TPRG1: variants seen among roughly 807,000 people sequenced by gnomAD.
TPRG1 encodes tumor protein p63-regulated gene 1 protein.
A neutral mutation model predicts 29.3 loss-of-function variants in TPRG1; 29 were observed. The ratio of observed to expected loss-of-function variants is 0.99; its 90% CI spans 0.74 to 1.35. The LOEUF (loss-of-function observed/expected upper bound fraction) is 1.35, where lower values mean the gene tolerates loss of function less well. Among genes scored for constraint, TPRG1 ranks in the 40% most tolerant of loss-of-function variants. TPRG1 has a pLI of 0.00. For missense variants in TPRG1, 327 were observed against 335.0 expected, an observed-to-expected ratio of 0.98 and a Z score of 0.19; for synonymous variants, 130 against 116.8, an observed-to-expected ratio of 1.11 and a Z score of -0.73.
intron 4 of TPRG1, among the ~76,000 whole-genome samples, chr3:189,263,899 G>A (rs1439946011): frequency 6.6e-6 from 1 of 152,174 alleles, no homozygotes; most frequent in Non-Finnish European, 1.5e-5. Flanking sequence ...AGGCAGCAGG[G>A]TTATTGGGAG....
intron 4 of TPRG1, among the ~76,000 whole-genome samples, chr3:189,032,377 A>G (rs1046661183): frequency 2.6e-5 from 4 of 152,186 alleles, no homozygotes; most frequent in Non-Finnish European, 4.4e-5. Flanking sequence ...TGGACTTCTG[A>G]CATCCAAAAC....
intron 4 of TPRG1, among the ~76,000 whole-genome samples, chr3:189,043,010 C>T (rs1714727897): frequency 6.6e-6 from 1 of 152,178 alleles, no homozygotes; most frequent in Non-Finnish European, 1.5e-5. Flanking sequence ...CCACACTGTT[C>T]ACCCATTGTT....
In TPRG1 at chr3:189,158,817, G is replaced by A. The variant is rs74710249; in HGVS notation, c.-10+7945G>A. ...GTTTTCGTTTTGCACTCCCTCATCC[G>A]AAGTCTAAAACAAAATTGCTCTAAT... is the stretch of plus-strand genomic sequence containing the variant. On this transcript the variant is annotated intron_variant, in intron 5 of 6. Coordinates refer to the TPRG1 transcript ENST00000412373. Among the ~76,000 whole-genome samples, 198 of 151,914 alleles carry A rather than the reference G, an allele frequency of 1.3e-3. 3 individuals carry two copies. The East Asian group carries it at 0.036, about 28-fold the overall frequency.
In TPRG1 at chr3:189,204,947, T is replaced by TCTCACA. The variant is rs766857963; in HGVS notation, c.-9-2428_-9-2427insTCACAC. Among the ~76,000 whole-genome samples the TCTCACA allele has an allele frequency of 1.1e-4, 16 of 147,178 alleles. No homozygotes were observed. The East Asian group carries it at 1.8e-3, about 17-fold the overall frequency. On this transcript the variant is annotated intron_variant, in intron 1 of 5. Coordinates refer to ENST00000345063, the MANE Select transcript of TPRG1 (RefSeq NM_198485.4). ...CTGTCTCTATGTCTCTCTCTCTCTC[T>TCTCACA]CACACACACACACACACACACACAC...
chr3:189,170,250 G>A (rs1728656409), upstream of TPRG1, among the ~76,000 whole-genome samples: 1 of 152,130 alleles, frequency 6.6e-6, no homozygotes, highest in South Asian at 2.1e-4. Context: ...TAGTTTTGTG[G>A]CGTCTAAGTG....
chr3:189,237,223 G>T (rs974305986), intron 3 of TPRG1, among the ~76,000 whole-genome samples: 31 of 152,032 alleles, frequency 2.0e-4, no homozygotes, highest in African/African-American at 6.8e-4. Context: ...TTGACTGAAG[G>T]GGATGGAGTG....
At chr3:189,081,946 A>G (rs541312193) in intron 4 of TPRG1, among the ~76,000 whole-genome samples, 86 of 152,308 alleles carry the variant, frequency 5.6e-4, no homozygotes, top group Non-Finnish European at 1.1e-3. Context: ...CTGTTTTGCC[A>G]TCAAAAGAGA....
At chr3:189,206,500 C>CTTT (rs11336790) in intron 1 of TPRG1, among the ~76,000 whole-genome samples, 7 of 131,194 alleles carry the variant, frequency 5.3e-5, no homozygotes, top group African/African-American at 8.7e-5. Flanking sequence ...GATGAACAAA[C>CTTT]TTTTTTTTTT....
chr3:189,116,459 G>A (rs1721186636), intron 1 of TPRG1, among the ~76,000 whole-genome samples: 1 of 152,162 alleles, frequency 6.6e-6, no homozygotes, highest in Non-Finnish European at 1.5e-5. Context: ...TTACAGACAT[G>A]AGCCACCGCG....
intron 1 of TPRG1, among the ~76,000 whole-genome samples, chr3:189,114,035 G>A (rs1720885786): frequency 6.6e-6 from 1 of 152,076 alleles, no homozygotes; most frequent in South Asian, 2.1e-4. Context: ...GAAAAGAAAA[G>A]CCAGATATTT....
rs140804984 is a variant in TPRG1, at chr3:189,308,394, G to A, written c.480-1992G>A. ...TCATAAAGGCATCTGCAGTCTCCAC[G>A]ATTGTTCTAATGGTGTTTGACAAAA... On this transcript the variant is annotated intron_variant, in intron 4 of 5. Coordinates refer to ENST00000345063, the MANE Select transcript of TPRG1 (RefSeq NM_198485.4). 1.6e-3 allele frequency among the ~76,000 whole-genome samples: 244 copies of A among 152,260 alleles called. 1 individual carries two copies. Among genetic ancestry groups the A allele is most frequent in the African/African-American group, 5.2e-3 (215 of 41,548 alleles).
intron 5 of TPRG1, among the ~76,000 whole-genome samples, chr3:189,317,705 G>C (rs777921474): frequency 2.6e-5 from 4 of 152,096 alleles, no homozygotes; most frequent in Non-Finnish European, 5.9e-5. Context: ...TTTCCCATGG[G>C]GGACATATGA....
chr3:189,149,367 C>T (rs548078373), intron 4 of TPRG1, among the ~76,000 whole-genome samples: 15 of 152,272 alleles, frequency 9.9e-5, no homozygotes, highest in African/African-American at 2.6e-4. Context: ...ACTCAGGGCA[C>T]GAAAGTTGTT....
chr3:189,014,824 G>A (rs1712835783), intron 3 of TPRG1, among the ~76,000 whole-genome samples: 1 of 152,128 alleles, frequency 6.6e-6, no homozygotes, highest in South Asian at 2.1e-4. Context: ...CTGGAGAACT[G>A]AGTCAACTAA....
At chr3:189,219,846 A>G (rs1218277728) in intron 3 of TPRG1, 3 of 797,248 alleles carry the variant, frequency 3.8e-6, no homozygotes, top group Non-Finnish European at 4.6e-6. Flanking sequence ...TCATCTTTAT[A>G]AAAGATACTT....
chr3:189,033,330 G>A (rs968317613), intron 4 of TPRG1, among the ~76,000 whole-genome samples: 12 of 151,422 alleles, frequency 7.9e-5, no homozygotes, highest in Middle Eastern at 3.4e-3. Flanking sequence ...CACCCATGCC[G>A]GAGTGCAGCT....
At chr3:189,053,109 T>TAG (rs746727157) in intron 4 of TPRG1, among the ~76,000 whole-genome samples, 22 of 152,220 alleles carry the variant, frequency 1.4e-4, no homozygotes, top group Admixed American at 2.6e-4. Context: ...ATGTTTAGTG[T>TAG]AGCCAGCTTC....
At position 189,021,791 on chromosome 3, in the gene TPRG1, TG is replaced by T. The variant is rs752529588; in HGVS notation, c.-659-1955del. On this transcript the variant is annotated intron_variant, in intron 3 of 10. Coordinates refer to the TPRG1 transcript ENST00000433971. ...TGAACGTTGGCCTGCCTTGCTAGAT[TG>T]GGGAAGTTCTCCTGGATAATATCCT... Among the ~76,000 whole-genome samples, 282 of 152,290 alleles carry T rather than the reference TG, an allele frequency of 1.9e-3. 1 individual carries two copies. The highest frequency in any genetic ancestry group is 2.2e-3 in the Non-Finnish European group (148 of 68,018).
chr3:189,202,300 C>G (rs1045818353), intron 1 of TPRG1, among the ~76,000 whole-genome samples: 9 of 152,076 alleles, frequency 5.9e-5, no homozygotes, highest in South Asian at 4.2e-4. Context: ...GGAGAGCTAC[C>G]CCCCTCAGAC....
Sources: gnomAD v4.1 joint callset for allele counts (sites outside exome capture counted in the v4.1 genomes callset) on GRCh38, gnomAD v4.1.1 for gene constraint, MANE v1.5 for transcripts, NCBI Gene and HGNC (gene_info 2026-07-23, HGNC 2026-07-21) for gene names.